Variants in CREBBP observed in about 807,000 individuals in gnomAD.
CREBBP encodes CREB binding lysine acetyltransferase.
CREBBP carries 19 observed loss-of-function variants against 265.0 expected under a neutral mutation model. That is an observed-to-expected ratio of 0.07 (90% CI 0.05 to 0.11). The LOEUF (loss-of-function observed/expected upper bound fraction) is 0.11, where lower values mean the gene tolerates loss of function less well. Among genes scored for constraint, CREBBP ranks in the 10% least tolerant of loss-of-function variants. The probability of loss-of-function intolerance (pLI) is 1.00; values close to 1 mark genes in which losing one functional copy is unlikely to be tolerated. For missense variants in CREBBP, 2,525 were observed against 3,219.0 expected (o/e 0.78, Z 5.22); for synonymous variants, 1,457 against 1,223.7 (o/e 1.19, Z -3.98).
At chr16:3,759,761 C>A (rs565354832) in intron 16 of CREBBP, among the ~76,000 whole-genome samples, 11 of 152,240 alleles carry the variant, frequency 7.2e-5, no homozygotes, top group African/African-American at 2.6e-4. Flanking sequence ...TTCCATATTG[C>A]TTACTCCCAC....
intron 14 of CREBBP, 146 bp downstream of exon 14, chr16:3,770,423 TG>T: frequency 1.0e-6 from 1 of 959,696 alleles, no homozygotes; most frequent in Non-Finnish European, 1.7e-6. Flanking sequence ...CTTGAACTCA[TG>T]GGCTCAAGTG....
chr16:3,734,175 T>C (rs1352455331), intron 28 of CREBBP, among the ~76,000 whole-genome samples: 1 of 152,036 alleles, frequency 6.6e-6, no homozygotes, highest in Non-Finnish European at 1.5e-5. Context: ...ATCGCGAGCC[T>C]TTCCCCATTT....
chr16:3,812,643 G>C (rs988746940), intron 2 of CREBBP, among the ~76,000 whole-genome samples: 2 of 151,996 alleles, frequency 1.3e-5, no homozygotes, highest in East Asian at 3.9e-4. Flanking sequence ...CAAGTTCCCT[G>C]ATGACCCCCA....
intron 21 of CREBBP, among the ~76,000 whole-genome samples, chr16:3,749,388 T>G (rs1047214126): frequency 1.3e-5 from 2 of 152,258 alleles, no homozygotes; most frequent in Non-Finnish European, 2.9e-5. Context: ...CTCATAGAAC[T>G]AAAACATCCA....
chr16:3,825,478 T>C lies in CREBBP; in HGVS notation c.799-14699A>G, dbSNP rs1468412884. On this transcript the variant is annotated intron_variant, in intron 2 of 30. Coordinates refer to ENST00000262367, the MANE Select transcript of CREBBP (RefSeq NM_004380.3). ...GAATTGCAATTAGTTGATAAGCATTTATACTTGCTGGCAAGAAAATGTCAC... is the reference window on the plus strand; with the variant it reads ...GAATTGCAATTAGTTGATAAGCATTCATACTTGCTGGCAAGAAAATGTCAC... Among the ~76,000 whole-genome samples, 4 of 152,320 alleles carry C rather than the reference T, an allele frequency of 2.6e-5. No individual in the cohort carries two copies. The East Asian group carries it at 5.8e-4, about 22-fold the overall frequency.
In CREBBP at chr16:3,782,929, A is replaced by G. The variant is rs1315185135; in HGVS notation, c.1331-3T>C. 1.9e-6 allele frequency: 3 copies of G among 1,614,234 alleles called. No homozygotes were observed. The highest frequency in any genetic ancestry group is 1.3e-5 in the African/African-American group (1 of 75,056). On this transcript the variant is annotated splice_polypyrimidine_tract_variant and splice_region_variant and intron_variant, in intron 5 of 30. Transcript: ENST00000262367. ...ACTAGCTGGAGACCCCAGGATGGCT[A>G]TAACGACAAACAGACAGACAGACAA...
chr16:3,796,835 A>G (rs764153025), intron 3 of CREBBP, among the ~76,000 whole-genome samples: 3 of 152,212 alleles, frequency 2.0e-5, no homozygotes, highest in Admixed American at 1.3e-4. Context: ...TGAGCTCTAC[A>G]TATTGTTTAC....
At chr16:3,730,231 G>A (rs2051877056) in intron 30 of CREBBP, among the ~76,000 whole-genome samples, 1 of 152,176 alleles carries the variant, frequency 6.6e-6, no homozygotes, top group Non-Finnish European at 1.5e-5. Context: ...CTCACGGACA[G>A]TAGACACCAG....
chr16:3,850,598 G>T lies in CREBBP; in HGVS notation c.497C>A (p.Pro166His), dbSNP rs374119348. ...ACCAGGTCCAGTCTGTGACGTGGCA[G>T]GGCTGCTAGTCGCCAGCCCCACTTG... is the stretch of plus-strand genomic sequence containing the variant. Reference protein sequence around the residue: ...QKQVGLATSSPATSQTGPGIC... With the variant: ...QKQVGLATSSHATSQTGPGIC... The change falls in exon 2 of 31, where the codon CCT (proline) becomes CAT (histidine). Residue 166 changes from proline (P) to histidine (H), a missense_variant. By Grantham distance (77) the Pro-to-His change is moderately conservative. This residue lies in a region of CREBBP where 356 missense variants were observed against 340.4 expected (regional missense o/e 1.05). Coordinates refer to ENST00000262367, the MANE Select transcript of CREBBP (RefSeq NM_004380.3). 1.2e-5 allele frequency: 20 copies of T among 1,614,140 alleles called. No homozygotes were observed. The highest frequency in any genetic ancestry group is 1.4e-5 in the Non-Finnish European group (17 of 1,180,064).
rs951067233 is a variant in CREBBP at position 3,726,459 on chromosome 16, G to A, written c.*1259C>T. 3.0e-5 allele frequency: 7 copies of A among 233,262 alleles called. No individual in the cohort carries two copies. Among genetic ancestry groups the A allele is most frequent in the Non-Finnish European group, 5.1e-5 (6 of 118,084 alleles). The allele number at this position is 233,262 out of a possible 1,614,324, so 14.4% of individuals were successfully genotyped here. ...TCAGTCTCCGGGAAGAAAAGCCTCCGGGCGGCCGCTAAGCCTGGGCCACAG... is the reference window on the plus strand; with the variant it reads ...TCAGTCTCCGGGAAGAAAAGCCTCCAGGCGGCCGCTAAGCCTGGGCCACAG... On this transcript the variant is annotated 3_prime_UTR_variant, in exon 31 of 31. Transcript: ENST00000262367.
intron 15 of CREBBP, among the ~76,000 whole-genome samples, 197 bp downstream of exon 15, chr16:3,768,977 A>G (rs1457226053): frequency 2.0e-5 from 3 of 151,938 alleles, no homozygotes; most frequent in African/African-American, 7.2e-5. Context: ...GGCAAAATAA[A>G]CCCACCCCTC....
intron 2 of CREBBP, among the ~76,000 whole-genome samples, chr16:3,823,476 C>T (rs1238057869): frequency 1.3e-5 from 2 of 152,122 alleles, no homozygotes; most frequent in Non-Finnish European, 2.9e-5. Context: ...GAAGACATTT[C>T]AAGGAGCCTC....
intron 3 of CREBBP, among the ~76,000 whole-genome samples, chr16:3,804,886 C>A (rs770530807): frequency 2.6e-5 from 4 of 152,218 alleles, no homozygotes; most frequent in Non-Finnish European, 5.9e-5. Flanking sequence ...TAATCAGACT[C>A]TAGAAAAGAT....
In CREBBP at chr16:3,764,931, C is replaced by G. The variant is rs988485284; in HGVS notation, c.3250+2789G>C. On this transcript the variant is annotated intron_variant, in intron 16 of 30. Coordinates refer to ENST00000262367, the MANE Select transcript of CREBBP (RefSeq NM_004380.3). ...GTAAAAAGTATTCCTTGTATTAAAT[C>G]TTAAGCGTTTGGTACATGTGTGTGG... Among the ~76,000 whole-genome samples, 5 of 151,188 alleles carry G rather than the reference C, an allele frequency of 3.3e-5. No homozygotes were observed. The East Asian group carries it at 9.7e-4, about 29-fold the overall frequency.
At chr16:3,869,584 T>A (rs1567377692) in intron 1 of CREBBP, among the ~76,000 whole-genome samples, 1 of 152,178 alleles carries the variant, frequency 6.6e-6, no homozygotes, top group African/African-American at 2.4e-5. Context: ...CATGTGGCTA[T>A]CTTCATTTAC....
In CREBBP at chr16:3,731,158, C is replaced by A. The variant is rs201460101; in HGVS notation, c.5172+34G>T. 1 of 1,595,508 alleles carries A rather than the reference C, an allele frequency of 6.3e-7. No individual in the cohort carries two copies. The highest frequency in any genetic ancestry group is 1.3e-5 in the African/African-American group (1 of 74,246). ...CAGGATGCTTCGTCAGACCCCAGGC[C>A]GGCTGTGGGGGTGGGGGTGGGGGCA... On this transcript the variant is annotated intron_variant, in intron 30 of 30. Transcript: ENST00000262367. This position sits in a 1 kb window ranked among gnomAD's most constrained non-coding sequence, Gnocchi z 7.7.
chr16:3,791,796 C>T (rs1293312398), intron 5 of CREBBP, among the ~76,000 whole-genome samples, 185 bp downstream of exon 5: 1 of 152,170 alleles, frequency 6.6e-6, no homozygotes, highest in Non-Finnish European at 1.5e-5. Context: ...TTATCACAGC[C>T]GTTCCTGACA....
chr16:3,809,315 T>C (rs2053891617), intron 3 of CREBBP, among the ~76,000 whole-genome samples: 1 of 152,070 alleles, frequency 6.6e-6, no homozygotes. Context: ...GTAGCTGGAA[T>C]TACAGGTGCC....
intron 9 of CREBBP, 107 bp from the exon 10 acceptor site, chr16:3,778,289 C>G: frequency 1.1e-6 from 1 of 914,438 alleles, no homozygotes; most frequent in Non-Finnish European, 1.7e-6. Flanking sequence ...AGTACACTGG[C>G]AAAAGTAGTA....
Sources: allele counts gnomAD v4.1 joint callset (sites outside exome capture counted in the v4.1 genomes callset), GRCh38; gene constraint gnomAD v4.1.1; regional missense constraint gnomAD v4.1.1; non-coding constraint Gnocchi (gnomAD v3.1); transcripts MANE v1.5; gene names NCBI Gene and HGNC (gene_info 2026-07-23, HGNC 2026-07-21).